The following ACTN4 variants were observed in gnomAD, a reference collection of about 807,000 sequenced individuals.
ACTN4 encodes alpha-actinin-4.
Under a neutral mutation model 114.2 loss-of-function variants are expected in ACTN4, and 18 were observed. The ratio of observed to expected loss-of-function variants is 0.16; its 90% CI spans 0.11 to 0.23. ACTN4 has a LOEUF of 0.23. ACTN4 is among the 10% of genes least tolerant of loss of function. The pLI is 1.00. For missense variants in ACTN4, 722 were observed against 1,262.9 expected (o/e 0.57, Z 6.49); for synonymous variants, 515 against 506.3 (o/e 1.02, Z -0.23).
intron 19 of ACTN4, 26 bp from the exon 20 acceptor site, chr19:38,728,970 T>C (rs2145116148): frequency 6.2e-7 from 1 of 1,611,532 alleles, no homozygotes; most frequent in Admixed American, 1.7e-5. Context: ...ATGTCGGGTG[T>C]CCCCCACCCC....
At chr19:38,722,920 C>T (rs1459414999) in intron 12 of ACTN4, among the ~76,000 whole-genome samples, 1 of 152,314 alleles carries the variant, frequency 6.6e-6, no homozygotes, top group East Asian at 1.9e-4. Context: ...CTGTCCGGGT[C>T]CTGTCTTTTC....
At chr19:38,668,729 A>C (rs1016145985) in intron 1 of ACTN4, among the ~76,000 whole-genome samples, 1 of 135,124 alleles carries the variant, frequency 7.4e-6, no homozygotes, top group Non-Finnish European at 1.7e-5. Context: ...AATGAATTGC[A>C]TGATGGAAGT....
At chr19:38,682,032 T>G (rs536411237) in intron 1 of ACTN4, among the ~76,000 whole-genome samples, 1 of 152,280 alleles carries the variant, frequency 6.6e-6, no homozygotes, top group East Asian at 1.9e-4. Context: ...GGTTTTGCCA[T>G]GTTGACCAGG....
chr19:38,720,644 A>T (rs575570032), intron 11 of ACTN4, among the ~76,000 whole-genome samples: 39 of 152,182 alleles, frequency 2.6e-4, no homozygotes, highest in African/African-American at 8.7e-4. Context: ...CTCGAACACC[A>T]CCTCACTGAA....
At chr19:38,709,123 G>A (rs1968556804) in intron 6 of ACTN4, among the ~76,000 whole-genome samples, 1 of 152,080 alleles carries the variant, frequency 6.6e-6, no homozygotes, top group African/African-American at 2.4e-5. Flanking sequence ...GTGGGTGGCT[G>A]GAAATTGTAT....
intron 1 of ACTN4, among the ~76,000 whole-genome samples, chr19:38,693,262 G>T (rs8101998): frequency 0.014 from 2,138 of 152,242 alleles, 56 homozygotes; most frequent in African/African-American, 0.047. Flanking sequence ...GTGCAGAGCC[G>T]GCATGCTCAC....
chr19:38,677,338 A>G (rs1967411200), intron 1 of ACTN4, among the ~76,000 whole-genome samples: 1 of 148,758 alleles, frequency 6.7e-6, no homozygotes, highest in African/African-American at 2.4e-5. Context: ...AGTGTGCACT[A>G]AATAAATATG....
chr19:38,664,335 A>G (rs1966892441), intron 1 of ACTN4, among the ~76,000 whole-genome samples: 1 of 152,048 alleles, frequency 6.6e-6, no homozygotes, highest in African/African-American at 2.4e-5. Flanking sequence ...TGTGACTTAA[A>G]TACCGCAGTG....
intron 1 of ACTN4, among the ~76,000 whole-genome samples, chr19:38,651,768 AC>A (rs1360035505): frequency 6.6e-6 from 1 of 151,486 alleles, no homozygotes; most frequent in African/African-American, 2.4e-5. Flanking sequence ...ACAGAGCCTC[AC>A]TCTGTCACCA....
In ACTN4 at chr19:38,721,568, A is replaced by C. The variant is rs750426834; in HGVS notation, c.1322A>C (p.Tyr441Ser). 1 of 1,614,020 alleles carries C rather than the reference A, an allele frequency of 6.2e-7. No homozygotes were observed. The highest frequency in any genetic ancestry group is 8.5e-7 in the Non-Finnish European group (1 of 1,180,022). The change falls in exon 12 of 21, where the codon TAC (tyrosine) becomes TCC (serine). Residue 441 changes from tyrosine to serine, a missense_variant. Around this residue, in one of 3 missense-constraint regions of ACTN4, gnomAD observed 523 missense variants for 875.9 expected, o/e 0.60. Transcript: ENST00000252699. ...GKEAMLKHRD[Y>S]ETATLSDIKA... ...GAAGCCATGCTGAAGCACCGGGACT[A>C]CGAGACGGCCACACTATCGGACATC...
chr19:38,690,055 TA>T (rs1327859588), intron 1 of ACTN4, among the ~76,000 whole-genome samples: 1 of 151,980 alleles, frequency 6.6e-6, no homozygotes, highest in African/African-American at 2.4e-5. Context: ...AAGCAGGAGG[TA>T]AAGAAATAGT....
intron 9 of ACTN4, among the ~76,000 whole-genome samples, chr19:38,716,773 A>G (rs1968855186): frequency 6.6e-6 from 1 of 152,242 alleles, no homozygotes; most frequent in Admixed American, 6.5e-5. Flanking sequence ...GGAGGTTGCT[A>G]TGATCATGCC....
intron 3 of ACTN4, among the ~76,000 whole-genome samples, chr19:38,701,452 C>T (rs1968274116): frequency 6.6e-6 from 1 of 152,218 alleles, no homozygotes; most frequent in African/African-American, 2.4e-5. Context: ...TTGTGCCAGG[C>T]TCAGCAGACA....
chr19:38,698,394 T>C (rs867342539), intron 1 of ACTN4, among the ~76,000 whole-genome samples: 1 of 152,046 alleles, frequency 6.6e-6, no homozygotes, highest in Non-Finnish European at 1.5e-5. Context: ...TGGGGGAGGC[T>C]GGGAAGGTGA....
intron 1 of ACTN4, among the ~76,000 whole-genome samples, chr19:38,663,367 A>G (rs1158369081): frequency 6.6e-6 from 1 of 152,172 alleles, no homozygotes; most frequent in Non-Finnish European, 1.5e-5. Flanking sequence ...CTTTAGGGGT[A>G]TGAGAGAAAC....
chr19:38,662,599 C>G (rs1976921342), intron 1 of ACTN4, among the ~76,000 whole-genome samples: 1 of 152,154 alleles, frequency 6.6e-6, no homozygotes, highest in South Asian at 2.1e-4. Flanking sequence ...CCCTTAAATA[C>G]AAAAACAAAA....
At chr19:38,698,129 G>A (rs955598630) in intron 1 of ACTN4, among the ~76,000 whole-genome samples, 10 of 152,132 alleles carry the variant, frequency 6.6e-5, no homozygotes, top group Admixed American at 5.2e-4. Flanking sequence ...GGGTGGGCAG[G>A]ACTCCTGAGA....
chr19:38,729,418 G>A lies in ACTN4; in HGVS notation c.2722G>A (p.Glu908Lys). 2.5e-6 allele frequency: 4 copies of A among 1,612,824 alleles called. No homozygotes were observed. Among genetic ancestry groups the A allele is most frequent in the South Asian group, 1.1e-5 (1 of 91,084 alleles). Residue 908 changes from glutamate (E) to lysine (K), a missense_variant, in exon 21 of 21, where the codon GAG becomes AAG. By Grantham distance (56) the Glu-to-Lys change is moderately conservative. Around this residue, in one of 3 missense-constraint regions of ACTN4, gnomAD observed 523 missense variants for 875.9 expected, o/e 0.60. Transcript: ENST00000252699. Reference protein sequence around the residue: ...YKSFSTALYGESDL With the variant: ...YKSFSTALYGKSDL ...GTCCTTCTCCACGGCCTTGTATGGC[G>A]AGAGCGACCTGTGAGGCCCCAGAGA...
intron 1 of ACTN4, among the ~76,000 whole-genome samples, chr19:38,690,474 C>G (rs1372795210): frequency 6.6e-6 from 1 of 152,244 alleles, no homozygotes; most frequent in East Asian, 1.9e-4. Context: ...TGGTTCTCTT[C>G]CATGACCCAC....
Sources: allele counts gnomAD v4.1 joint callset (sites outside exome capture counted in the v4.1 genomes callset), GRCh38; gene constraint gnomAD v4.1.1; regional missense constraint gnomAD v4.1.1; transcripts MANE v1.5; gene names NCBI Gene and HGNC (gene_info 2026-07-23, HGNC 2026-07-21).